The following NAA60 variants were observed in gnomAD, a reference collection of about 807,000 sequenced individuals.
NAA60 encodes the protein N-alpha-acetyltransferase 60, NatF catalytic subunit.
A neutral mutation model predicts 26.1 loss-of-function variants in NAA60; 8 were observed. The ratio of observed to expected loss-of-function variants is 0.31; its 90% CI spans 0.18 to 0.55. The LOEUF (loss-of-function observed/expected upper bound fraction) is 0.55, where lower values mean the gene tolerates loss of function less well. Ranked by LOEUF, NAA60 falls within the 20% of genes least tolerant of loss-of-function variation. The pLI is 0.93. For missense variants in NAA60, 290 were observed against 311.3 expected (o/e 0.93, Z 0.51); for synonymous variants, 131 against 122.5 (o/e 1.07, Z -0.46).
chr16:3,483,700 G>A, intron 6 of NAA60, 103 bp downstream of exon 6: 1 of 881,926 alleles, frequency 1.1e-6, no homozygotes, highest in Non-Finnish European at 1.8e-6. Flanking sequence ...TGATGTTCAG[G>A]TGGCCAAGCT....
At chr16:3,457,947 C>A in intron 2 of NAA60, 1 of 981,180 alleles carries the variant, frequency 1.0e-6, no homozygotes, top group Non-Finnish European at 1.2e-6. Context: ...GGCGGCAGCG[C>A]CGGCCTCAGG....
Position 3,443,774 on chromosome 16 carries a change from C to T in NAA60, c.-140C>T, listed in dbSNP as rs1474916771. On this transcript the variant is annotated 5_prime_UTR_variant, in exon 1 of 8. Transcript: ENST00000407558. ...TGACCCCAGGGGGACGTAATGTTTC[C>T]GAGAAGAAGGACAGAAAGAAGACTG... 1.8e-5 allele frequency: 28 copies of T among 1,533,594 alleles called. No homozygotes were observed. The highest frequency in any genetic ancestry group is 2.4e-5 in the Non-Finnish European group (27 of 1,145,790). The allele number at this position is 1,533,594 out of a possible 1,614,324, so 95.0% of individuals were successfully genotyped here.
At chr16:3,473,681 C>T (rs6501177) in intron 2 of NAA60, among the ~76,000 whole-genome samples, 56,541 of 151,702 alleles carry the variant, frequency 0.37, 11,180 homozygotes, top group African/African-American at 0.51. Context: ...ATTACAGGTG[C>T]GAGCCACCAT....
intron 2 of NAA60, among the ~76,000 whole-genome samples, chr16:3,475,047 C>G (rs1054922757): frequency 6.6e-6 from 1 of 151,146 alleles, no homozygotes; most frequent in Non-Finnish European, 1.5e-5. Context: ...TTCCAAAGTG[C>G]TGGGATTACA....
At chr16:3,451,790 C>T (rs1345602610) in intron 2 of NAA60, among the ~76,000 whole-genome samples, 2 of 151,456 alleles carry the variant, frequency 1.3e-5, no homozygotes, top group African/African-American at 2.4e-5. Flanking sequence ...TGGTGGTAGG[C>T]GCCTGTACTC....
chr16:3,465,981 G>T (rs377460679), intron 2 of NAA60, among the ~76,000 whole-genome samples: 1 of 152,298 alleles, frequency 6.6e-6, no homozygotes, highest in Non-Finnish European at 1.5e-5. Context: ...GTCAGGACCC[G>T]GGACCTTGCC....
chr16:3,457,873 T>G, intron 2 of NAA60: 1 of 696,042 alleles, frequency 1.4e-6, no homozygotes, highest in Non-Finnish European at 1.8e-6. Flanking sequence ...GTGCCCCGCA[T>G]ACGGGATCCT....
chr16:3,466,990 G>A (rs1472986637), intron 2 of NAA60, among the ~76,000 whole-genome samples: 1 of 152,190 alleles, frequency 6.6e-6, no homozygotes, highest in Non-Finnish European at 1.5e-5. Flanking sequence ...GAAAGGAGGT[G>A]GCAGGGAGGC....
intron 2 of NAA60, among the ~76,000 whole-genome samples, chr16:3,454,545 T>G (rs1343315041): frequency 6.6e-6 from 1 of 151,836 alleles, no homozygotes; most frequent in Non-Finnish European, 1.5e-5. Flanking sequence ...AATCAGAAGT[T>G]TAATAGATAA....
chr16:3,486,121 T>G lies in NAA60; in HGVS notation c.*861T>G, dbSNP rs1567407021. On this transcript the variant is annotated 3_prime_UTR_variant, in exon 8 of 8. Transcript: ENST00000407558. ...GACAGGAGGAAGCTGAGCTCGACAT[T>G]AGGCCTCAAGGCTGCCATCTGTCTT... 5.3e-6 allele frequency: 1 copy of G among 188,554 alleles called. No homozygotes were observed. The highest frequency in any genetic ancestry group is 2.4e-5 in the African/African-American group (1 of 42,138). The allele number at this position is 188,554 out of a possible 1,614,324, so 11.7% of individuals were successfully genotyped here.
chr16:3,478,813 G>A (rs534052850), intron 3 of NAA60, among the ~76,000 whole-genome samples: 10 of 152,234 alleles, frequency 6.6e-5, no homozygotes, highest in South Asian at 2.1e-4. Context: ...ACAGATTCTC[G>A]TAGGCACTCC....
At chr16:3,462,690 C>T (rs892373648) in intron 2 of NAA60, 2 of 152,144 alleles carry the variant, frequency 1.3e-5, no homozygotes, top group African/African-American at 4.8e-5. Context: ...CCAGGCAAGC[C>T]CTCTTCTATT....
chr16:3,458,898 G>T (rs967001598), intron 2 of NAA60, among the ~76,000 whole-genome samples: 9 of 152,108 alleles, frequency 5.9e-5, no homozygotes, highest in African/African-American at 2.2e-4. Flanking sequence ...AAAATTTGGG[G>T]GTAAGTGGTG....
chr16:3,457,954 CA>C (rs1389491553), intron 2 of NAA60: 1 of 983,988 alleles, frequency 1.0e-6, no homozygotes, highest in African/African-American at 1.7e-5. Flanking sequence ...GCGCCGGCCT[CA>C]GGGGGCGGGG....
chr16:3,468,368 T>G (rs955200558), intron 2 of NAA60, among the ~76,000 whole-genome samples: 2 of 152,134 alleles, frequency 1.3e-5, no homozygotes, highest in South Asian at 2.1e-4. Flanking sequence ...TTCTAAGAAG[T>G]CAGCATGAAT....
At chr16:3,461,104 G>A (rs1408708120) in intron 2 of NAA60, among the ~76,000 whole-genome samples, 1 of 152,090 alleles carries the variant, frequency 6.6e-6, no homozygotes, top group Non-Finnish European at 1.5e-5. Context: ...TAGGAGGCTG[G>A]CAGGACAGTT....
chr16:3,479,383 A>C, intron 3 of NAA60, 88 bp from the exon 4 acceptor site: 1 of 1,455,192 alleles, frequency 6.9e-7, no homozygotes, highest in Non-Finnish European at 9.4e-7. Flanking sequence ...GAAGTGGCCC[A>C]GAGCTCCCTG....
chr16:3,447,718 C>A, intron 1 of NAA60: 1 of 790,498 alleles, frequency 1.3e-6, no homozygotes, highest in Non-Finnish European at 1.5e-6. Context: ...GCTACCTAGT[C>A]TCCAGTCTTA....
chr16:3,474,286 A>C lies in NAA60; in HGVS notation c.-6-1936A>C, dbSNP rs376356817. Among the ~76,000 whole-genome samples, 22 of 152,310 alleles carry C rather than the reference A, an allele frequency of 1.4e-4. 2 individuals carry two copies. In the East Asian group the frequency reaches 3.5e-3, roughly 24 times the overall value. ...AGGGGATACCCCGGGAAGTGGCTGG[A>C]CTGAGCCAAGTATCAGCTAGTAGTG... On this transcript the variant is annotated intron_variant, in intron 2 of 7. Coordinates refer to ENST00000407558, the MANE Select transcript of NAA60 (RefSeq NM_001083601.3).
Sources: gnomAD v4.1 joint callset for allele counts (sites outside exome capture counted in the v4.1 genomes callset) on GRCh38, gnomAD v4.1.1 for gene constraint, MANE v1.5 for transcripts, NCBI Gene and HGNC (gene_info 2026-07-23, HGNC 2026-07-21) for gene names.